Variants in MORC4 observed in about 807,000 individuals in gnomAD.
The protein encoded by MORC4 is MORC family CW-type zinc finger 4.
A neutral mutation model predicts 65.5 loss-of-function variants in MORC4; 22 were observed. That is an observed-to-expected ratio of 0.34 (90% CI 0.24 to 0.48). MORC4 has a LOEUF of 0.48. Among genes scored for constraint, MORC4 ranks in the 20% least tolerant of loss-of-function variants. MORC4 has a pLI of 0.99. For missense variants in MORC4, 624 were observed against 703.0 expected (o/e 0.89, Z 1.27); for synonymous variants, 267 against 255.8 (o/e 1.04, Z -0.42).
chrX:106,948,068 C>T, intron 14 of MORC4, among the ~76,000 whole-genome samples: 1 of 110,957 alleles, frequency 9.0e-6, no homozygotes, highest in East Asian at 2.8e-4. Flanking sequence ...TCCTTTGACC[C>T]ATCTTTATTT....
intron 7 of MORC4, 119 bp from the exon 8 acceptor site, chrX:106,978,318 C>G: frequency 1.5e-6 from 1 of 671,897 alleles, no homozygotes; most frequent in South Asian, 3.7e-5. Context: ...AACCTTTTTG[C>G]GGGCATTTAA....
intron 12 of MORC4, 98 bp from the exon 13 acceptor site, chrX:106,956,632 A>G: frequency 1.3e-6 from 1 of 758,181 alleles, no homozygotes; most frequent in East Asian, 3.2e-5. Flanking sequence ...TTCCTTCCAA[A>G]TTACAAATAC....
At position 106,941,371 on chromosome X, in the gene MORC4, T is replaced by TGGGTGAGA. The variant is rs1325904720; in HGVS notation, c.*107_*108insTCTCACCC. 1 of 279,463 alleles carries TGGGTGAGA rather than the reference T, an allele frequency of 3.6e-6. No individual in the cohort carries two copies. The highest frequency in any genetic ancestry group is 3.6e-5 in the African/African-American group (1 of 27,674). The allele number at this position is 279,463 out of a possible 1,213,427, so 23.0% of individuals were successfully genotyped here. On this transcript the variant is annotated 3_prime_UTR_variant, in exon 17 of 17. Coordinates refer to ENST00000355610, the MANE Select transcript of MORC4 (RefSeq NM_024657.5). ...TCTATATAAGGCATAAAGGTGAGGG[T>TGGGTGAGA]GAGAGAGAGAGAGAGAGAGAGAGAG... is the stretch of plus-strand genomic sequence containing the variant.
rs1555982139 is a variant in MORC4, at chrX:106,947,571, T to TATTA, written c.1686-4367_1686-4366insTAAT. Among the ~76,000 whole-genome samples the TATTA allele has an allele frequency of 1.0e-4, 8 of 77,956 alleles. No homozygotes were observed. In the East Asian group the frequency reaches 2.1e-3, roughly 21 times the overall value. The allele number at this position is 77,956 out of a possible 115,157, so 67.7% of individuals were successfully genotyped here. A position where few individuals can be genotyped will look rare whatever the true frequency, so the allele number is the denominator to read the frequency against. On this transcript the variant is annotated intron_variant, in intron 14 of 16. Coordinates refer to ENST00000355610, the MANE Select transcript of MORC4 (RefSeq NM_024657.5). ...CCTGTAGTTAATCTATATATATATA[T>TATTA]TATATATATATATATATATAATATA...
At chrX:106,989,458 G>A (rs1427529603) in intron 3 of MORC4, among the ~76,000 whole-genome samples, 4 of 112,460 alleles carry the variant, frequency 3.6e-5, no homozygotes, top group African/African-American at 1.3e-4. Flanking sequence ...TAAAGAGTTG[G>A]AAAGTGTGGA....
intron 14 of MORC4, among the ~76,000 whole-genome samples, chrX:106,944,944 G>T (rs1005535088): frequency 9.0e-6 from 1 of 111,297 alleles, no homozygotes; most frequent in African/African-American, 3.3e-5. Flanking sequence ...CTAAAGCATT[G>T]CTTTGATTAT....
chrX:106,954,291 C>A (rs1337736176), intron 14 of MORC4, among the ~76,000 whole-genome samples: 10 of 112,195 alleles, frequency 8.9e-5, no homozygotes, highest in Non-Finnish European at 3.8e-5. Flanking sequence ...CAGTCATATC[C>A]TTCAGTGCTT....
At chrX:106,943,277 C>T in intron 14 of MORC4, 72 bp from the exon 15 acceptor site, 1 of 832,653 alleles carries the variant, frequency 1.2e-6, no homozygotes. Flanking sequence ...TATGGAGCCC[C>T]AACTCAAACT....
rs1249507219 is a variant in MORC4 at position 106,943,014 on chromosome X, A to G, written c.1877T>C (p.Phe626Ser). The G allele has an allele frequency of 8.3e-7, 1 of 1,211,036 alleles. No homozygotes were observed. The highest frequency in any genetic ancestry group is 2.2e-5 in the Admixed American group (1 of 45,977). ...CTTGCTTGCTTCTGGGTATTCTGGG[A>G]AAAGGTATGGTGGTGTACTTCTCTC... ...SSERSTPPYL[F>S]PEYPEASKNT... The change falls in exon 15 of 17, where the codon TTC (phenylalanine) becomes TCC (serine). Residue 626 changes from phenylalanine (F) to serine (S), a missense_variant. Coordinates refer to ENST00000355610, the MANE Select transcript of MORC4 (RefSeq NM_024657.5).
intron 9 of MORC4, among the ~76,000 whole-genome samples, chrX:106,974,473 T>A (rs1483934290): frequency 8.9e-6 from 1 of 111,738 alleles, no homozygotes; most frequent in Admixed American, 9.5e-5. Context: ...CTCTTCCACA[T>A]CTTATATCAT....
intron 6 of MORC4, 111 bp downstream of exon 6, chrX:106,981,234 C>A: frequency 5.4e-6 from 5 of 918,904 alleles, no homozygotes; most frequent in Non-Finnish European, 7.6e-6. Flanking sequence ...AATACTAGCA[C>A]ATGGCTGGAA....
At chrX:106,978,759 A>G (rs1020597664) in intron 7 of MORC4, among the ~76,000 whole-genome samples, 5 of 111,703 alleles carry the variant, frequency 4.5e-5, no homozygotes, top group African/African-American at 6.5e-5. Flanking sequence ...GCTAGGGCAC[A>G]TAGGTTCTGA....
At chrX:106,971,709 T>C (rs1439267271) in intron 9 of MORC4, among the ~76,000 whole-genome samples, 4 of 111,748 alleles carry the variant, frequency 3.6e-5, no homozygotes, top group Non-Finnish European at 7.5e-5. Flanking sequence ...AACAGACATA[T>C]GAAAAAAATG....
Position 106,980,939 on chromosome X carries a change from G to A in MORC4, c.888C>T (p.Ala296=), listed in dbSNP as rs750411031. Residue 296 remains alanine (A), a synonymous_variant, in exon 7 of 17, where the codon GCC becomes GCT. Transcript: ENST00000355610. ...CATATTCTACATTGGCCAGGCTCTT[G>A]GCAATCATCTGGGTAGTCACCTTCT... ...RQKKVTTQMI[A]KSLANVEYDT... is the part of the protein sequence containing the mutation. The A allele has an allele frequency of 4.1e-6, 5 of 1,207,529 alleles. No homozygotes were observed. Among genetic ancestry groups the A allele is most frequent in the Non-Finnish European group, 5.6e-6 (5 of 891,724 alleles).
chrX:106,957,781 C>G (rs925491979), intron 11 of MORC4, among the ~76,000 whole-genome samples: 10 of 111,723 alleles, frequency 9.0e-5, no homozygotes, highest in Admixed American at 3.8e-4. Context: ...AACACTGATT[C>G]CAAATACGAA....
chrX:106,981,223 G>T (rs1371433079), intron 6 of MORC4, 122 bp downstream of exon 6: 5 of 873,300 alleles, frequency 5.7e-6, no homozygotes, highest in Non-Finnish European at 8.1e-6. Flanking sequence ...CAATAAAAAG[G>T]AATACTAGCA....
rs748144010 is a variant in MORC4 at position 106,985,265 on chromosome X, G to GA, written c.527-23dup. 45 of 1,082,029 alleles carry GA rather than the reference G, an allele frequency of 4.2e-5. No homozygotes were observed. In the Admixed American group the frequency reaches 7.5e-4, roughly 18 times the overall value. 89.2% of individuals were successfully genotyped at this position (1,082,029 alleles called of 1,213,427 possible). On this transcript the variant is annotated intron_variant, in intron 4 of 16. Transcript: ENST00000355610. The stretch of plus-strand genomic sequence containing the variant: ...TTTTGTAAAATCAAATATAGTCAAA[G>GA]AAAAAATAATATCTTAGGATGCTAT...
chrX:106,986,941 C>G (rs1297662452), intron 3 of MORC4, among the ~76,000 whole-genome samples: 4 of 111,807 alleles, frequency 3.6e-5, no homozygotes, highest in African/African-American at 9.7e-5. Flanking sequence ...ATCTGGAAGC[C>G]AGAACCTTTC....
At chrX:106,984,900 G>A (rs955981145) in intron 5 of MORC4, among the ~76,000 whole-genome samples, 196 bp downstream of exon 5, 2 of 110,983 alleles carry the variant, frequency 1.8e-5, no homozygotes, top group Non-Finnish European at 3.8e-5. Flanking sequence ...CAAGCACAGT[G>A]GCTCACACTT....
Sources: gnomAD v4.1 joint callset for allele counts (sites outside exome capture counted in the v4.1 genomes callset) on GRCh38, gnomAD v4.1.1 for gene constraint, MANE v1.5 for transcripts, NCBI Gene and HGNC (gene_info 2026-07-23, HGNC 2026-07-21) for gene names.